The following ARMC2 variants were observed in gnomAD, a reference collection of about 807,000 sequenced individuals.
The protein encoded by ARMC2 is armadillo repeat-containing protein 2.
Under a neutral mutation model 90.3 loss-of-function variants are expected in ARMC2, and 67 were observed. The observed-to-expected ratio is 0.74, with a 90% CI of 0.61 to 0.91. The LOEUF (loss-of-function observed/expected upper bound fraction) is 0.91, where lower values mean the gene tolerates loss of function less well. Ranked by LOEUF, ARMC2 falls within the 40% of genes least tolerant of loss-of-function variation. The probability of loss-of-function intolerance (pLI) is 0.00; values close to 1 mark genes in which losing one functional copy is unlikely to be tolerated. For missense variants in ARMC2, 920 were observed against 1,030.9 expected (o/e 0.89, Z 1.47); for synonymous variants, 393 against 393.0 (o/e 1.00, Z 0.00).
chr6:108,972,992 C>T (rs1778862602), intron 17 of ARMC2, among the ~76,000 whole-genome samples: 1 of 152,018 alleles, frequency 6.6e-6, no homozygotes, highest in South Asian at 2.1e-4. Context: ...AAAAATATTG[C>T]CCATTTAAAT....
At chr6:108,870,869 G>A (rs779901349) in intron 4 of ARMC2, among the ~76,000 whole-genome samples, 84 of 151,842 alleles carry the variant, frequency 5.5e-4, no homozygotes, top group Non-Finnish European at 8.8e-4. Context: ...AATCTAGTGA[G>A]AGGAGATAGA....
chr6:108,954,302 A>G (rs915824099), intron 13 of ARMC2, among the ~76,000 whole-genome samples: 1 of 152,172 alleles, frequency 6.6e-6, no homozygotes, highest in African/African-American at 2.4e-5. Context: ...GTGTGTAGGA[A>G]AATTAACTGC....
At chr6:109,020,245 T>C in the ARMC2 span, among the ~76,000 whole-genome samples, 4 of 152,192 alleles carry the variant, frequency 2.6e-5, no homozygotes. Flanking sequence ...CAGGATATAT[T>C]GTCCTAGGTT....
chr6:108,992,658 T>C, the ARMC2 span: 1 of 680,250 alleles, frequency 1.5e-6, no homozygotes, highest in South Asian at 1.7e-5. Flanking sequence ...TCACCTTTTA[T>C]TCTGAAACAA....
chr6:108,955,354 A>T (rs978640633), intron 13 of ARMC2, among the ~76,000 whole-genome samples: 1 of 152,222 alleles, frequency 6.6e-6, no homozygotes, highest in Non-Finnish European at 1.5e-5. Context: ...GGCTGCGGGC[A>T]TGTGAGTGAC....
At chr6:108,957,969 G>A (rs1299190983) in intron 13 of ARMC2, among the ~76,000 whole-genome samples, 1 of 152,178 alleles carries the variant, frequency 6.6e-6, no homozygotes, top group Non-Finnish European at 1.5e-5. Flanking sequence ...GATAGTAGGG[G>A]TCAAGTACAC....
chr6:108,933,684 T>C (rs1025681654), intron 11 of ARMC2, among the ~76,000 whole-genome samples: 1 of 152,170 alleles, frequency 6.6e-6, no homozygotes, highest in Non-Finnish European at 1.5e-5. Context: ...TTGCTCTGGC[T>C]AGGACTTCCA....
chr6:108,884,158 T>C (rs1777855224), intron 5 of ARMC2, among the ~76,000 whole-genome samples: 1 of 152,180 alleles, frequency 6.6e-6, no homozygotes, highest in Non-Finnish European at 1.5e-5. Context: ...CCGATAAGCG[T>C]TTCCTGGTAA....
downstream of ARMC2, among the ~76,000 whole-genome samples, chr6:108,975,705 G>T (rs541808120): frequency 2.0e-5 from 3 of 152,122 alleles, no homozygotes; most frequent in African/African-American, 7.2e-5. Context: ...TCTAACTGGC[G>T]TGACATGGTA....
chr6:108,962,753 C>A (rs1433040284), intron 15 of ARMC2, among the ~76,000 whole-genome samples: 2 of 152,194 alleles, frequency 1.3e-5, no homozygotes, highest in Admixed American at 1.3e-4. Context: ...GCCTGTAATA[C>A]CAGCACTTTG....
the ARMC2 span, among the ~76,000 whole-genome samples, chr6:109,007,942 T>A: frequency 6.6e-6 from 1 of 152,180 alleles, no homozygotes; most frequent in African/African-American, 2.4e-5. Context: ...AAAAGCATTA[T>A]GGAAGCTAGC....
At chr6:108,976,772 T>A (rs1047110127), downstream of ARMC2, among the ~76,000 whole-genome samples, 8 of 152,246 alleles carry the variant, frequency 5.3e-5, no homozygotes, top group Admixed American at 4.6e-4. Context: ...CAATTGCGAA[T>A]GGGAGTTCAC....
At position 108,851,343 on chromosome 6, in the gene ARMC2, A is replaced by G. The variant is rs1262449; in HGVS notation, c.-44+2797A>G. Among the ~76,000 whole-genome samples the G allele has an allele frequency of 7.8e-3, 1,182 of 152,288 alleles. 9 individuals carry two copies. The highest frequency in any genetic ancestry group is 0.013 in the Non-Finnish European group (909 of 68,020). ...GGAAGTCTACCTGATGTCTTCCCCC[A>G]ATCAGAAATCTCTTCTTCCTTTGTG... On this transcript the variant is annotated intron_variant, in intron 1 of 17. Transcript: ENST00000392644.
At chr6:108,927,850 A>T (rs1338145251) in intron 10 of ARMC2, among the ~76,000 whole-genome samples, 1 of 152,194 alleles carries the variant, frequency 6.6e-6, no homozygotes, top group Non-Finnish European at 1.5e-5. Flanking sequence ...TTTGGGGTAT[A>T]CCAATTGCTT....
chr6:109,003,023 G>A, the ARMC2 span, among the ~76,000 whole-genome samples: 79 of 152,032 alleles, frequency 5.2e-4, no homozygotes, highest in African/African-American at 1.8e-3. Context: ...TCTGACATTT[G>A]ACACAGTGAC....
intron 5 of ARMC2, among the ~76,000 whole-genome samples, chr6:108,884,719 C>G (rs748383910): frequency 6.6e-6 from 1 of 152,142 alleles, no homozygotes; most frequent in Non-Finnish European, 1.5e-5. Context: ...ATGCTACTCC[C>G]AGGTATGTGG....
At chr6:108,850,376 G>T (rs1299412472) in intron 1 of ARMC2, among the ~76,000 whole-genome samples, 1 of 152,142 alleles carries the variant, frequency 6.6e-6, no homozygotes, top group African/African-American at 2.4e-5. Flanking sequence ...TGCATACCTA[G>T]TGTTGTTTCT....
intron 12 of ARMC2, among the ~76,000 whole-genome samples, chr6:108,947,895 T>C (rs1432388735): frequency 6.6e-6 from 1 of 152,106 alleles, no homozygotes; most frequent in Non-Finnish European, 1.5e-5. Flanking sequence ...ATAGTTATGA[T>C]ATGAATATGC....
intron 12 of ARMC2, among the ~76,000 whole-genome samples, chr6:108,939,531 C>T (rs895117936): frequency 6.6e-6 from 1 of 152,166 alleles, no homozygotes; most frequent in African/African-American, 2.4e-5. Flanking sequence ...TTCTCTTTCA[C>T]CTTCCGCCAT....
Sources: allele counts gnomAD v4.1 joint callset (sites outside exome capture counted in the v4.1 genomes callset), GRCh38; gene constraint gnomAD v4.1.1; transcripts MANE v1.5; gene names NCBI Gene and HGNC (gene_info 2026-07-23, HGNC 2026-07-21).